Variants in CDK15 observed in about 807,000 individuals in gnomAD.
CDK15 encodes the protein cyclin-dependent kinase 15.
CDK15 carries 62 observed loss-of-function variants against 60.3 expected under a neutral mutation model. The observed-to-expected ratio is 1.03, with a 90% CI of 0.84 to 1.27. The LOEUF (loss-of-function observed/expected upper bound fraction) is 1.27, where lower values mean the gene tolerates loss of function less well. Among genes scored for constraint, CDK15 ranks in the 50% most tolerant of loss-of-function variants. The pLI is 0.00. For synonymous variants in CDK15, 194 were observed against 195.7 expected (o/e 0.99, Z 0.07); for missense variants, 541 against 527.8 (o/e 1.03, Z -0.25).
intron 9 of CDK15, 39 bp downstream of exon 9, chr2:201,847,513 C>T: frequency 6.3e-7 from 1 of 1,577,802 alleles, no homozygotes; most frequent in East Asian, 2.2e-5. Flanking sequence ...GAAATATCTG[C>T]ATTTTAAGTT....
chr2:201,880,314 G>A (rs970449863), intron 12 of CDK15, 147 bp downstream of exon 12: 3 of 982,226 alleles, frequency 3.1e-6, no homozygotes, highest in African/African-American at 3.3e-5. Context: ...GTTTGCCTGG[G>A]AGAAGCAAGA....
intron 8 of CDK15, among the ~76,000 whole-genome samples, chr2:201,844,416 GT>G (rs980762095): frequency 2.1e-4 from 32 of 152,064 alleles, no homozygotes; most frequent in Admixed American, 6.6e-4. Context: ...GCATTTGACA[GT>G]TTTCCATCAC....
chr2:201,843,904 A>AAGC (rs1182482621), intron 8 of CDK15, among the ~76,000 whole-genome samples: 2 of 103,158 alleles, frequency 1.9e-5, no homozygotes, highest in East Asian at 6.2e-4. Context: ...AAAGGACACT[A>AAGC]AGGAATTGTG....
chr2:201,865,841 G>A (rs1352513321), intron 10 of CDK15, among the ~76,000 whole-genome samples: 1 of 130,856 alleles, frequency 7.6e-6, no homozygotes, highest in Non-Finnish European at 1.5e-5. Flanking sequence ...AGTGAGCCAA[G>A]ATCGTGCCAC....
chr2:201,887,460 A>G (rs1559152675), intron 12 of CDK15, among the ~76,000 whole-genome samples: 1 of 152,214 alleles, frequency 6.6e-6, no homozygotes, highest in African/African-American at 2.4e-5. Flanking sequence ...TGGCACAGGC[A>G]GTCTGAGCTG....
chr2:201,892,165 T>C (rs756918602), intron 13 of CDK15, among the ~76,000 whole-genome samples: 1 of 152,216 alleles, frequency 6.6e-6, no homozygotes, highest in African/African-American at 2.4e-5. Context: ...ATTTTGACAA[T>C]ATACATTTAG....
chr2:201,828,418 C>T (rs973871421), intron 6 of CDK15, among the ~76,000 whole-genome samples: 2 of 151,796 alleles, frequency 1.3e-5, no homozygotes, highest in Non-Finnish European at 2.9e-5. Context: ...AGGGAAGCAG[C>T]TTGTAGGAAT....
intron 8 of CDK15, 25 bp downstream of exon 8, chr2:201,835,788 G>A: frequency 6.8e-7 from 1 of 1,481,108 alleles, no homozygotes. Context: ...GAGAAAATGT[G>A]AGTCATCCTA....
At chr2:201,824,932 G>A in intron 6 of CDK15, 1 of 301,924 alleles carries the variant, frequency 3.3e-6, no homozygotes, top group Non-Finnish European at 5.3e-6. Flanking sequence ...ACAGCTTGTA[G>A]AGCTCAAAGT....
In CDK15 at chr2:201,861,253, A is replaced by G. The variant is rs575749930; in HGVS notation, c.1009+6316A>G. 69 of 1,007,368 alleles carry G rather than the reference A, an allele frequency of 6.8e-5. No individual in the cohort carries two copies. The African/African-American group carries it at 1.2e-3, about 17-fold the overall frequency. 62.4% of individuals were successfully genotyped at this position (1,007,368 alleles called of 1,614,324 possible). On this transcript the variant is annotated intron_variant, in intron 10 of 13. Transcript: ENST00000652192. ...GTTTCCTATGTGCCAGACACAGAAC[A>G]TACACAATTGCTAATCCTATTACTG...
chr2:201,887,979 C>A (rs2105843697), intron 12 of CDK15, among the ~76,000 whole-genome samples: 1 of 151,826 alleles, frequency 6.6e-6, no homozygotes, highest in South Asian at 2.1e-4. Flanking sequence ...AGTGCAAAAC[C>A]CACGTGACAC....
In CDK15 at chr2:201,817,403, T is replaced by C. The variant is rs76933576; in HGVS notation, c.448+4841T>C. On this transcript the variant is annotated intron_variant, in intron 4 of 13. Coordinates refer to ENST00000652192, the MANE Select transcript of CDK15 (RefSeq NM_001366386.2). ...CGTGATGTTGAGCAATTTTTTCATATGTTTGTTGGCCACTTGTGTGTCCAA... is the reference window on the plus strand; with the variant it reads ...CGTGATGTTGAGCAATTTTTTCATACGTTTGTTGGCCACTTGTGTGTCCAA... Among the ~76,000 whole-genome samples, 339 of 152,334 alleles carry C rather than the reference T, an allele frequency of 2.2e-3. 2 individuals carry two copies. The highest frequency in any genetic ancestry group is 7.9e-3 in the African/African-American group (329 of 41,576).
intron 8 of CDK15, among the ~76,000 whole-genome samples, chr2:201,845,610 A>G (rs1390299538): frequency 6.7e-6 from 1 of 149,456 alleles, no homozygotes; most frequent in Non-Finnish European, 1.5e-5. Flanking sequence ...AAAAAAAAAG[A>G]CCATATGTCT....
chr2:201,822,688 C>T, intron 4 of CDK15, 121 bp from the exon 5 acceptor site: 5 of 558,890 alleles, frequency 8.9e-6, no homozygotes, highest in Non-Finnish European at 1.3e-5. Flanking sequence ...GATTGTTTTC[C>T]AGCAGTAAAA....
chr2:201,835,520 T>G, intron 7 of CDK15, 123 bp from the exon 8 acceptor site: 1 of 1,107,154 alleles, frequency 9.0e-7, no homozygotes, highest in African/African-American at 1.6e-5. Context: ...TAGTGATTAG[T>G]TCTACTAAAA....
chr2:201,889,699 A>G (rs1363645410), intron 12 of CDK15, among the ~76,000 whole-genome samples: 1 of 151,960 alleles, frequency 6.6e-6, no homozygotes, highest in Non-Finnish European at 1.5e-5. Flanking sequence ...TAGTATATAT[A>G]TTTTCAAATA....
At chr2:201,838,870 A>G (rs2110646) in intron 8 of CDK15, among the ~76,000 whole-genome samples, 32,054 of 152,064 alleles carry the variant, frequency 0.21, 3,608 homozygotes, top group East Asian at 0.38. Context: ...CAGTATTCTC[A>G]TATCTTTTTA....
Position 201,806,704 on chromosome 2 carries a change from T to G in CDK15, c.40T>G (p.Cys14Gly). 1 of 1,598,118 alleles carries G rather than the reference T, an allele frequency of 6.3e-7. No homozygotes were observed. Among genetic ancestry groups the G allele is most frequent in the Non-Finnish European group, 8.5e-7 (1 of 1,179,646 alleles). The part of the protein sequence containing the change: ...ELCAKTVQPG[C>G]SCYHCSEGGE... The stretch of plus-strand genomic sequence containing the variant: ...GTGTGCAAAGACTGTACAGCCTGGA[T>G]GCAGCTGCTACCATTGTTCAGAGGG... The change falls in exon 1 of 14, where the codon TGC (cysteine) becomes GGC (glycine). Residue 14 changes from cysteine (C) to glycine (G), a missense_variant. By Grantham distance (159) the Cys-to-Gly change is radical (BLOSUM62 -3). Coordinates refer to ENST00000652192, the MANE Select transcript of CDK15 (RefSeq NM_001366386.2).
chr2:201,832,967 G>A (rs536051471), intron 6 of CDK15, among the ~76,000 whole-genome samples: 1 of 152,278 alleles, frequency 6.6e-6, no homozygotes, highest in South Asian at 2.1e-4. Context: ...ATTCTCAATT[G>A]CCAATGGCAC....
Sources: allele counts gnomAD v4.1 joint callset (sites outside exome capture counted in the v4.1 genomes callset), GRCh38; gene constraint gnomAD v4.1.1; transcripts MANE v1.5; gene names NCBI Gene and HGNC (gene_info 2026-07-23, HGNC 2026-07-21).